Variants in MORF4L2 observed in about 807,000 individuals in gnomAD.
MORF4L2 encodes the protein mortality factor 4-like protein 2.
A neutral mutation model predicts 12.0 loss-of-function variants in MORF4L2; 1 was observed. That is an observed-to-expected ratio of 0.08 (90% CI 0.03 to 0.40). The LOEUF is 0.40. Ranked by LOEUF, MORF4L2 falls within the 10% of genes least tolerant of loss-of-function variation. MORF4L2 has a pLI of 0.98. For synonymous variants in MORF4L2, 69 were observed against 81.6 expected, an observed-to-expected ratio of 0.85 and a Z score of 0.83; for missense variants, 123 against 214.0, an observed-to-expected ratio of 0.57 and a Z score of 2.65.
intron 3 of MORF4L2, among the ~76,000 whole-genome samples, 168 bp from the exon 4 acceptor site, chrX:103,677,219 C>T (rs1475299337): frequency 9.0e-6 from 1 of 110,804 alleles, no homozygotes; most frequent in African/African-American, 3.3e-5. Context: ...CCTCCTTTCC[C>T]TCTCTCTGAT....
At chrX:103,685,310 G>A (rs769426005) in intron 1 of MORF4L2, 50 bp from the exon 2 acceptor site, 3 of 112,024 alleles carry the variant, frequency 2.7e-5, no homozygotes, top group African/African-American at 9.7e-5. Flanking sequence ...AAAAAGATAT[G>A]AGATATGGCT....
intron 2 of MORF4L2, among the ~76,000 whole-genome samples, chrX:103,683,203 G>A (rs901619083): frequency 5.4e-5 from 6 of 111,305 alleles, no homozygotes; most frequent in African/African-American, 1.6e-4. Flanking sequence ...TCAGCCTCCT[G>A]AGTAGCTGGG....
At chrX:103,685,316 T>C (rs1229549089) in intron 1 of MORF4L2, 56 bp from the exon 2 acceptor site, 1 of 112,154 alleles carries the variant, frequency 8.9e-6, no homozygotes, top group Non-Finnish European at 1.9e-5. Context: ...ATATGAGATA[T>C]GGCTTTCTTC....
chrX:103,679,850 C>T (rs2073940633), intron 2 of MORF4L2, among the ~76,000 whole-genome samples: 1 of 67,852 alleles, frequency 1.5e-5, no homozygotes, highest in African/African-American at 6.4e-5. Flanking sequence ...TTGTTAGTAG[C>T]ACCTGTGGGC....
chrX:103,679,387 T>C (rs1390249056), intron 2 of MORF4L2, among the ~76,000 whole-genome samples: 1 of 102,335 alleles, frequency 9.8e-6, no homozygotes, highest in Non-Finnish European at 2.0e-5. Context: ...GGCATGGTGG[T>C]GCACGCCTGT....
rs1194466989 is a variant in MORF4L2 at position 103,676,686 on chromosome X, C to T, written c.342G>A (p.Ala114=). 2.1e-5 allele frequency: 25 copies of T among 1,209,116 alleles called. No homozygotes were observed. Among genetic ancestry groups the T allele is most frequent in the Middle Eastern group, 2.3e-4 (1 of 4,343 alleles). Residue 114 remains alanine, a synonymous_variant, in exon 4 of 4, where the codon GCG becomes GCA. Coordinates refer to ENST00000441076, the MANE Select transcript of MORF4L2 (RefSeq NM_012286.3). ...RADPTVESEE[A]FKNRMEVKVK... is the part of the protein sequence containing the mutation. ...CTTTAACCTCCATTCTATTCTTAAACGCCTCCTCACTTTCAACAGTGGGGT... is the reference window on the plus strand; with the variant it reads ...CTTTAACCTCCATTCTATTCTTAAATGCCTCCTCACTTTCAACAGTGGGGT...
intron 3 of MORF4L2, among the ~76,000 whole-genome samples, chrX:103,678,257 C>T (rs1175172743): frequency 9.0e-6 from 1 of 110,822 alleles, no homozygotes; most frequent in Non-Finnish European, 1.9e-5. Context: ...TCTGGAAAAC[C>T]TAAGGACGAA....
At chrX:103,681,614 A>G (rs756703085) in intron 2 of MORF4L2, among the ~76,000 whole-genome samples, 11 of 111,933 alleles carry the variant, frequency 9.8e-5, no homozygotes, top group Non-Finnish European at 2.1e-4. Flanking sequence ...GTCAAGAGAT[A>G]GAACACTCTC....
chrX:103,676,570 T>C lies in MORF4L2; in HGVS notation c.458A>G (p.Lys153Arg). The C allele has an allele frequency of 4.1e-6, 5 of 1,211,231 alleles. No homozygotes were observed. The highest frequency in any genetic ancestry group is 5.6e-6 in the Non-Finnish European group (5 of 895,338). ...QKQLFQLPAK[K>R]NVDAILEEYA... ...CTCCTCCAGAATTGCATCTACATTT[T>C]TCTTGGCAGGGAGTTGAAACAGCTG... Residue 153 changes from lysine (K) to arginine (R), a missense_variant, in exon 4 of 4, where the codon AAA (lysine) becomes AGA (arginine). Lys to Arg is a conservative substitution (Grantham distance 26, BLOSUM62 2). Transcript: ENST00000441076.
At chrX:103,687,805 G>C (rs752913017), upstream of MORF4L2, 1 of 110,979 alleles carries the variant, frequency 9.0e-6, no homozygotes, top group African/African-American at 3.3e-5. Context: ...CAACTCCAAA[G>C]GGAGGCTTCT....
intron 2 of MORF4L2, among the ~76,000 whole-genome samples, chrX:103,678,947 T>C (rs1417917249): frequency 1.8e-5 from 2 of 112,209 alleles, no homozygotes; most frequent in African/African-American, 6.5e-5. Flanking sequence ...GCTGAACAGC[T>C]AGCACAGTAT....
chrX:103,681,550 T>A (rs2073984058), intron 2 of MORF4L2, among the ~76,000 whole-genome samples: 1 of 111,550 alleles, frequency 9.0e-6, no homozygotes, highest in Non-Finnish European at 1.9e-5. Flanking sequence ...GTAAACATTT[T>A]TTTGCTCTCG....
rs767175459 is a variant in MORF4L2 at position 103,676,284 on chromosome X, G to A, written c.744C>T (p.Ser248=). 1.4e-5 allele frequency: 17 copies of A among 1,211,105 alleles called. No homozygotes were observed. In the South Asian group the frequency reaches 3.0e-4, roughly 21 times the overall value. The change falls in exon 4 of 4, where the codon AGC becomes AGT. Residue 248 remains serine (S), a synonymous_variant. Transcript: ENST00000441076. ...MLAYTPLDEK[S]LALLLGYLHD... is the part of the protein sequence containing the mutation. ...GCAAATAGCCCAACAATAATGCAAGGCTTTTCTCATCAAGGGGCGTATAGG... is the reference window on the plus strand; with the variant it reads ...GCAAATAGCCCAACAATAATGCAAGACTTTTCTCATCAAGGGGCGTATAGG...
At chrX:103,678,112 A>C (rs746895998) in intron 3 of MORF4L2, among the ~76,000 whole-genome samples, 17 of 110,713 alleles carry the variant, frequency 1.5e-4, no homozygotes, top group African/African-American at 4.9e-4. Context: ...CCAAAACAAA[A>C]AAAAAAAAAT....
upstream of MORF4L2, among the ~76,000 whole-genome samples, chrX:103,687,102 C>CTTT (rs969572345): frequency 1.5e-4 from 15 of 99,739 alleles, no homozygotes; most frequent in Non-Finnish European, 2.0e-5. Flanking sequence ...TTTCCTTTTC[C>CTTT]TTTTTTTTTT....
chrX:103,686,132 C>T (rs942848018), intron 1 of MORF4L2, among the ~76,000 whole-genome samples: 3 of 104,061 alleles, frequency 2.9e-5, no homozygotes, highest in Middle Eastern at 4.9e-3. Context: ...ACTCCCCCCC[C>T]CCCCACCTTT....
At chrX:103,678,040 CA>C (rs375525430) in intron 3 of MORF4L2, among the ~76,000 whole-genome samples, 5 of 108,603 alleles carry the variant, frequency 4.6e-5, no homozygotes, top group African/African-American at 1.7e-4. Flanking sequence ...GTGAGATGTA[CA>C]GTTAAACATA....
At chrX:103,686,097 C>G (rs2074097477) in intron 1 of MORF4L2, among the ~76,000 whole-genome samples, 1 of 102,802 alleles carries the variant, frequency 9.7e-6, no homozygotes, top group Non-Finnish European at 2.0e-5. Context: ...AGCTCGCTCT[C>G]GTTCTCCATC....
intron 1 of MORF4L2, among the ~76,000 whole-genome samples, chrX:103,686,126 C>A (rs1454925618): frequency 7.3e-5 from 1 of 13,628 alleles, no homozygotes; most frequent in Non-Finnish European, 1.3e-4. Flanking sequence ...TCTTGCACTC[C>A]CCCCCCCCCC....
Sources: allele counts gnomAD v4.1 joint callset (sites outside exome capture counted in the v4.1 genomes callset), GRCh38; gene constraint gnomAD v4.1.1; transcripts MANE v1.5; gene names NCBI Gene and HGNC (gene_info 2026-07-23, HGNC 2026-07-21).